Variants in HSPG2 observed in about 807,000 individuals in gnomAD.
HSPG2 encodes the protein basement membrane-specific heparan sulfate proteoglycan core protein.
In HSPG2, 278 loss-of-function variants were observed where a neutral mutation model predicts 526.6. The observed-to-expected ratio is 0.53, with a 90% CI of 0.48 to 0.58. The LOEUF is 0.58. HSPG2 is among the 20% of genes least tolerant of loss of function. The pLI, the probability that HSPG2 is intolerant of heterozygous loss-of-function variation, is 0.00. For synonymous variants in HSPG2, 2,465 were observed against 2,555.4 expected (o/e 0.96, Z 1.07); for missense variants, 5,354 against 6,099.5 (o/e 0.88, Z 4.07).
At chr1:21,932,236 G>C (rs1400445279) in intron 1 of HSPG2, among the ~76,000 whole-genome samples, 1 of 152,184 alleles carries the variant, frequency 6.6e-6, no homozygotes, top group Non-Finnish European at 1.5e-5. Context: ...TCTGTGACAA[G>C]TTGTAGCAAT....
chr1:21,873,857 GC>G (rs1640844912), intron 29 of HSPG2, 67 bp downstream of exon 29: 34 of 1,370,050 alleles, frequency 2.5e-5, no homozygotes, highest in Non-Finnish European at 3.3e-5. Context: ...GGAGCGCTGG[GC>G]CCTGCCTGAG....
At position 21,898,152 on chromosome 1, in the gene HSPG2, G is replaced by A. The variant is rs1642880415; in HGVS notation, c.64-1842C>T. Among the ~76,000 whole-genome samples, 2 of 152,180 alleles carry A rather than the reference G, an allele frequency of 1.3e-5. No homozygotes were observed. Among genetic ancestry groups the A allele is most frequent in the Admixed American group, 1.3e-4 (2 of 15,286 alleles). On this transcript the variant is annotated intron_variant, in intron 1 of 96. Transcript: ENST00000374695. This position sits in a 1 kb window ranked among gnomAD's most constrained non-coding sequence, Gnocchi z 4.0. ...CTGTGAAGATGACTTGCTTTGGGGA[G>A]GCACTACCTACCTCTGTGCAATCTA...
rs2097988126 is a variant in HSPG2 at position 21,828,733 on chromosome 1, C to T, written c.12237+102G>A. ...GTCCTGGCCCAGGGCCCGTGGGTGG[C>T]TGCAGGTGGAGGGGCCCAATGCCAA... is the stretch of plus-strand genomic sequence containing the variant. On this transcript the variant is annotated intron_variant, in intron 88 of 96. Coordinates refer to ENST00000374695, the MANE Select transcript of HSPG2 (RefSeq NM_005529.7). This position sits in a 1 kb window ranked among gnomAD's most constrained non-coding sequence, Gnocchi z 6.0. 6.0e-6 allele frequency: 9 copies of T among 1,499,706 alleles called. No homozygotes were observed. Among genetic ancestry groups the T allele is most frequent in the Admixed American group, 2.0e-5 (1 of 50,830 alleles). 92.9% of individuals were successfully genotyped at this position (1,499,706 alleles called of 1,614,324 possible).
In HSPG2 at chr1:21,840,024, GAA is replaced by G; in HGVS notation, c.9514-9_9514-8del. 1 of 1,614,046 alleles carries G rather than the reference GAA, an allele frequency of 6.2e-7. No individual in the cohort carries two copies. Among genetic ancestry groups the G allele is most frequent in the Non-Finnish European group, 8.5e-7 (1 of 1,179,960 alleles). The stretch of plus-strand genomic sequence containing the variant: ...ATGGTTTAGCTGATGAAATCTGGGA[GAA>G]AGCAAGGAGGCTGGTTATGTGGGGA... On this transcript the variant is annotated splice_polypyrimidine_tract_variant and splice_region_variant and intron_variant, in intron 71 of 96. Coordinates refer to ENST00000374695, the MANE Select transcript of HSPG2 (RefSeq NM_005529.7).
intron 1 of HSPG2, among the ~76,000 whole-genome samples, chr1:21,917,405 C>T (rs12080957): frequency 0.012 from 1,778 of 151,164 alleles, 27 homozygotes; most frequent in African/African-American, 0.041. Context: ...TGCATTCCAG[C>T]CTGGGTGACA....
chr1:21,911,844 G>C (rs978583417), intron 1 of HSPG2, among the ~76,000 whole-genome samples: 4 of 152,152 alleles, frequency 2.6e-5, no homozygotes, highest in African/African-American at 7.2e-5. Flanking sequence ...CCAGTTCGGT[G>C]CCAAGCCTTT....
At chr1:21,903,593 T>TC (rs916218839) in intron 1 of HSPG2, among the ~76,000 whole-genome samples, 31 of 151,356 alleles carry the variant, frequency 2.0e-4, no homozygotes, top group African/African-American at 7.3e-4. Flanking sequence ...AGAGCAAAAC[T>TC]CCATCTCAAA....
intron 57 of HSPG2, among the ~76,000 whole-genome samples, chr1:21,849,552 T>C (rs1301653988): frequency 6.6e-6 from 1 of 152,182 alleles, no homozygotes; most frequent in Non-Finnish European, 1.5e-5. Context: ...GGAAGCTTTT[T>C]CTTAGAGGTA....
chr1:21,852,802 C>G lies in HSPG2; in HGVS notation c.6622G>C (p.Val2208Leu), dbSNP rs1197936961. The G allele has an allele frequency of 1.9e-6, 3 of 1,612,840 alleles. No homozygotes were observed. The highest frequency in any genetic ancestry group is 2.5e-6 in the Non-Finnish European group (3 of 1,179,880). ...TACTCGCCTGAGTCGGCCGGGGTCA[C>G]CTGGTGCAGCCGCAGCAGCGAGCCG... ...THGSLLRLHQ[V>L]TPADSGEYVC... Residue 2208 changes from valine (V) to leucine (L), a missense_variant, in exon 52 of 97, where the codon GTG becomes CTG. Physicochemically the swap from Val to Leu is conservative, Grantham distance 32. Coordinates refer to ENST00000374695, the MANE Select transcript of HSPG2 (RefSeq NM_005529.7).
At chr1:21,874,055 T>A (rs1261081975) in intron 28 of HSPG2, 44 bp from the exon 29 acceptor site, 3 of 1,499,654 alleles carry the variant, frequency 2.0e-6, no homozygotes. Context: ...CAGTGGCTCC[T>A]TCCTCTCCCC....
Position 21,841,623 on chromosome 1 carries a change from G to T in HSPG2, c.9244C>A (p.Arg3082=), listed in dbSNP as rs79921226. The change falls in exon 70 of 97, where the codon CGG becomes AGG. Residue 3082 remains arginine, a synonymous_variant. Coordinates refer to ENST00000374695, the MANE Select transcript of HSPG2 (RefSeq NM_005529.7). The stretch of plus-strand genomic sequence containing the variant: ...CGGTAGGTACCGTGGTTGCTGGGCC[G>T]GGTGCCCACGATGGTGATGATGGAG... ...NGSIITIVGT[R]PSNHGTYRCV... is the part of the protein sequence containing the mutation. The T allele has an allele frequency of 3.7e-6, 6 of 1,613,994 alleles. No homozygotes were observed. The highest frequency in any genetic ancestry group is 5.1e-6 in the Non-Finnish European group (6 of 1,179,988).
In HSPG2 at chr1:21,884,908, T is replaced by C; in HGVS notation, c.1366A>G (p.Thr456Ala). The C allele has an allele frequency of 2.5e-6, 4 of 1,613,976 alleles. No individual in the cohort carries two copies. Among genetic ancestry groups the C allele is most frequent in the Non-Finnish European group, 3.4e-6 (4 of 1,180,006 alleles). ...HIPSHPRVTV[T>A]SEGGRGTLII... ...AGTGTGCCACGGCCACCCTCGCTGG[T>C]CACTGTCACCCTGGTGAGCCCCAAG... Residue 456 changes from threonine to alanine, a missense_variant, in exon 12 of 97, where the codon ACC becomes GCC. Physicochemically the swap from Thr to Ala is moderately conservative, Grantham distance 58. Coordinates refer to ENST00000374695, the MANE Select transcript of HSPG2 (RefSeq NM_005529.7).
Position 21,824,248 on chromosome 1 carries a change from G to C in HSPG2, c.12816-44C>G, listed in dbSNP as rs535694981. 3.1e-6 allele frequency: 5 copies of C among 1,610,972 alleles called. No individual in the cohort carries two copies. Among genetic ancestry groups the C allele is most frequent in the Non-Finnish European group, 4.2e-6 (5 of 1,177,438 alleles). On this transcript the variant is annotated intron_variant, in intron 94 of 96. Transcript: ENST00000374695. This position sits in a 1 kb window ranked among gnomAD's most constrained non-coding sequence, Gnocchi z 5.9. ...AAGAAGTATGAGCTGGGGCAGGACC[G>C]GGGGGTGGGGTGCTGGGACCAGGGA...
chr1:21,901,645 G>A (rs1307720421), intron 1 of HSPG2, among the ~76,000 whole-genome samples: 1 of 152,104 alleles, frequency 6.6e-6, no homozygotes. Context: ...CTGGGACTGA[G>A]CCCCCGACTG....
intron 50 of HSPG2, among the ~76,000 whole-genome samples, chr1:21,853,407 G>A (rs1639068562): frequency 6.6e-6 from 1 of 152,178 alleles, no homozygotes; most frequent in African/African-American, 2.4e-5. Context: ...GACGTCTTCC[G>A]TGTGCTCACA....
At chr1:21,866,353 AT>A (rs1640233978) in intron 33 of HSPG2, among the ~76,000 whole-genome samples, 1 of 152,122 alleles carries the variant, frequency 6.6e-6, no homozygotes, top group South Asian at 2.1e-4. Context: ...GAGGGCCCTG[AT>A]CCCCTCCTCC....
chr1:21,914,862 G>A (rs999273450), intron 1 of HSPG2, among the ~76,000 whole-genome samples: 6 of 152,148 alleles, frequency 3.9e-5, no homozygotes, highest in Non-Finnish European at 5.9e-5. Context: ...CACCTGAACT[G>A]CCCAGAGCAA....
chr1:21,882,738 C>T (rs189945348), intron 13 of HSPG2, among the ~76,000 whole-genome samples: 5 of 152,216 alleles, frequency 3.3e-5, no homozygotes, highest in Non-Finnish European at 5.9e-5. Context: ...ATGGTGCAGC[C>T]GTCATGGATG....
At position 21,851,536 on chromosome 1, in the gene HSPG2, A is replaced by C; in HGVS notation, c.7158+10T>G. On this transcript the variant is annotated intron_variant, in intron 55 of 96. Coordinates refer to ENST00000374695, the MANE Select transcript of HSPG2 (RefSeq NM_005529.7). ...CCTCTTCTTGGCCTGTCTGTCCTCCAGTCCCATACCTGGTGCCGGACAGGG... is the reference window on the plus strand; with the variant it reads ...CCTCTTCTTGGCCTGTCTGTCCTCCCGTCCCATACCTGGTGCCGGACAGGG... The C allele has an allele frequency of 6.2e-7, 1 of 1,613,644 alleles. No homozygotes were observed. Among genetic ancestry groups the C allele is most frequent in the South Asian group, 1.1e-5 (1 of 91,066 alleles).
Sources: allele counts gnomAD v4.1 joint callset (sites outside exome capture counted in the v4.1 genomes callset), GRCh38; gene constraint gnomAD v4.1.1; non-coding constraint Gnocchi (gnomAD v3.1); transcripts MANE v1.5; gene names NCBI Gene and HGNC (gene_info 2026-07-23, HGNC 2026-07-21).